The following SUMF2 variants were observed in gnomAD, a reference collection of about 807,000 sequenced individuals.
SUMF2 encodes inactive C-alpha-formylglycine-generating enzyme 2.
SUMF2 carries 45 observed loss-of-function variants against 44.8 expected under a neutral mutation model. The observed-to-expected ratio is 1.00, with a 90% CI of 0.79 to 1.29. SUMF2 has a LOEUF of 1.29. Ranked by LOEUF, SUMF2 falls within the 50% of genes most tolerant of loss-of-function variation. The probability of loss-of-function intolerance (pLI) is 0.00; values close to 1 mark genes in which losing one functional copy is unlikely to be tolerated. For missense variants in SUMF2, 418 were observed against 389.9 expected, an observed-to-expected ratio of 1.07 and a Z score of -0.61; for synonymous variants, 148 against 150.4, an observed-to-expected ratio of 0.98 and a Z score of 0.12.
In SUMF2 at chr7:56,076,883, G is replaced by A; in HGVS notation, c.585G>A (p.Leu195=). The change falls in exon 6 of 9, where the codon CTG becomes CTA. Residue 195 remains leucine, a synonymous_variant. Transcript: ENST00000434526. ...GGTTCCAGCCAAACCGCACCAACCT[G>A]TGGCAGGTAAGACCTACGTTCCTCC... ...GNWFQPNRTN[L]WQGKFPKGDK... 6.2e-7 allele frequency: 1 copy of A among 1,606,102 alleles called. No individual in the cohort carries two copies. The highest frequency in any genetic ancestry group is 8.5e-7 in the Non-Finnish European group (1 of 1,176,230).
chr7:56,076,661 A>G (rs750682484), intron 5 of SUMF2, 173 bp from the exon 6 acceptor site: 5 of 567,432 alleles, frequency 8.8e-6, no homozygotes, highest in African/African-American at 1.9e-5. Flanking sequence ...AGGGCCCTCT[A>G]ATGCAGTTCA....
chr7:56,074,169 C>T lies in SUMF2; in HGVS notation c.340-5C>T, dbSNP rs540560603. The T allele has an allele frequency of 5.6e-6, 9 of 1,613,866 alleles. No individual in the cohort carries two copies. The Admixed American group carries it at 1.0e-4, about 18-fold the overall frequency. ...TCTTGCAGTCGGTCTCCTTCTTTTT[C>T]GCAGTCTGTACTCTGGTGGCTTCCA... On this transcript the variant is annotated splice_polypyrimidine_tract_variant and splice_region_variant and intron_variant, in intron 3 of 8. Transcript: ENST00000434526.
At chr7:56,085,628 C>T (rs138361383), downstream of SUMF2, among the ~76,000 whole-genome samples, 11 of 152,220 alleles carry the variant, frequency 7.2e-5, no homozygotes, top group African/African-American at 1.9e-4. Flanking sequence ...TTTCCAATCC[C>T]GCCTCATTAC....
At chr7:56,074,904 C>T (rs1291900152) in intron 5 of SUMF2, 168 bp downstream of exon 5, 2 of 780,680 alleles carry the variant, frequency 2.6e-6, no homozygotes, top group Non-Finnish European at 4.0e-6. Flanking sequence ...AAAAGACTAG[C>T]CTGGGCAATA....
chr7:56,068,787 C>T lies in SUMF2; in HGVS notation c.224+149C>T, dbSNP rs1461572641. 13 of 859,578 alleles carry T rather than the reference C, an allele frequency of 1.5e-5. No individual in the cohort carries two copies. The South Asian group carries it at 1.6e-4, about 11-fold the overall frequency. 53.2% of individuals were successfully genotyped at this position (859,578 alleles called of 1,614,324 possible). ...GGCGCAATCTCGCTCACTGCAACCTCCACCTCCCGGGTTCAAGCAATTCTC... is the reference window on the plus strand; with the variant it reads ...GGCGCAATCTCGCTCACTGCAACCTTCACCTCCCGGGTTCAAGCAATTCTC... On this transcript the variant is annotated intron_variant, in intron 2 of 8. Transcript: ENST00000434526.
intron 3 of SUMF2, 75 bp from the exon 4 acceptor site, chr7:56,074,099 C>T (rs749261372): frequency 1.8e-5 from 24 of 1,342,092 alleles, no homozygotes; most frequent in South Asian, 1.3e-4. Context: ...CTCTGTTCTG[C>T]GTCCTGTGGC....
chr7:56,069,461 A>G (rs1795021387), intron 2 of SUMF2, among the ~76,000 whole-genome samples: 3 of 151,980 alleles, frequency 2.0e-5, no homozygotes, highest in Non-Finnish European at 4.4e-5. Context: ...AAATAAGTAA[A>G]TAAGTATATA....
chr7:56,072,957 G>C, intron 2 of SUMF2, 40 bp from the exon 3 acceptor site: 1 of 1,525,312 alleles, frequency 6.6e-7, no homozygotes, highest in Non-Finnish European at 9.1e-7. Context: ...GGTGGGCACA[G>C]AACCTCACCA....
downstream of SUMF2, chr7:56,081,921 TC>T (rs760588653): frequency 6.2e-7 from 1 of 1,613,508 alleles, no homozygotes; most frequent in African/African-American, 1.3e-5. The surrounding 1 kb of genome is among the most constrained non-coding windows in gnomAD (Gnocchi z 4.6). Flanking sequence ...CGAGTAATCA[TC>T]CCACTCGGGC....
At chr7:56,081,234 C>A, downstream of SUMF2, 1 of 1,613,596 alleles carries the variant, frequency 6.2e-7, no homozygotes, top group South Asian at 1.1e-5. This position sits in a 1 kb window ranked among gnomAD's most constrained non-coding sequence, Gnocchi z 4.6. Flanking sequence ...TCTCCCGGGT[C>A]ACAGGCTTCA....
Position 56,073,147 on chromosome 7 carries a change from A to C in SUMF2, c.339+36A>C, listed in dbSNP as rs1210636229. On this transcript the variant is annotated intron_variant, in intron 3 of 8. Transcript: ENST00000434526. ...CTGGTCTTGCAGCTGAGGGGATAGG[A>C]GTGGGACCTGGACAGGGAATCCTGT... The C allele has an allele frequency of 4.6e-6, 7 of 1,531,968 alleles. No individual in the cohort carries two copies. The African/African-American group carries it at 9.6e-5, about 21-fold the overall frequency. The allele number at this position is 1,531,968 out of a possible 1,614,324, so 94.9% of individuals were successfully genotyped here.
downstream of SUMF2, chr7:56,081,483 T>C: frequency 8.1e-7 from 1 of 1,227,452 alleles, no homozygotes; most frequent in Non-Finnish European, 1.1e-6. The surrounding 1 kb of genome is among the most constrained non-coding windows in gnomAD (Gnocchi z 4.6). Context: ...GGCTGACACC[T>C]GCCGTCTTTG....
At chr7:56,081,106 A>G, downstream of SUMF2, 1 of 1,613,406 alleles carries the variant, frequency 6.2e-7, no homozygotes, top group Non-Finnish European at 8.5e-7. This position sits in a 1 kb window ranked among gnomAD's most constrained non-coding sequence, Gnocchi z 4.6. Flanking sequence ...TGTGTTCTCG[A>G]AAAGGGCTGC....
chr7:56,071,039 A>G (rs977641677), intron 2 of SUMF2, among the ~76,000 whole-genome samples: 5 of 152,202 alleles, frequency 3.3e-5, no homozygotes, highest in Non-Finnish European at 7.3e-5. Flanking sequence ...ACTATTCTGT[A>G]TCTTGATTAT....
rs1236119827 is a variant in SUMF2 at position 56,079,512 on chromosome 7, C to T, written c.822-16C>T. 1.1e-5 allele frequency: 18 copies of T among 1,607,588 alleles called. No homozygotes were observed. In the Admixed American group the frequency reaches 2.8e-4, roughly 25 times the overall value. On this transcript the variant is annotated splice_polypyrimidine_tract_variant and intron_variant, in intron 8 of 8. Transcript: ENST00000434526. The stretch of plus-strand genomic sequence containing the variant: ...CTCAGGACGTGTCTGTCCTCTCTCC[C>T]CTTCTCTGCTGGCAGGATGGGCAAC...
At chr7:56,064,447 G>C in intron 1 of SUMF2, 69 bp downstream of exon 1, 1 of 1,543,226 alleles carries the variant, frequency 6.5e-7, no homozygotes, top group Non-Finnish European at 8.7e-7. Context: ...TGACGGGAGA[G>C]AGCCTTAGGC....
At chr7:56,074,014 CAAAAAAAAAAAAAAAAA>C (rs56927689) in intron 3 of SUMF2, 143 bp from the exon 4 acceptor site, 5 of 320,896 alleles carry the variant, frequency 1.6e-5, no homozygotes, top group African/African-American at 5.4e-5. Context: ...GATCTTGTCT[CAAAAAAAAAAAAAAAAA>C]AAAAAAAAAA....
Position 56,079,552 on chromosome 7 carries a change from C to G in SUMF2, c.846C>G (p.Ala282=). 6.2e-7 allele frequency: 1 copy of G among 1,613,854 alleles called. No individual in the cohort carries two copies. The highest frequency in any genetic ancestry group is 8.5e-7 in the Non-Finnish European group (1 of 1,179,776). ...TTRMGNTPDS[A]SDNLGFRCAA... ...GGATGGGCAACACTCCAGATTCAGC[C>G]TCAGACAACCTCGGTTTCCGCTGTG... Residue 282 remains alanine, a synonymous_variant, in exon 9 of 9, where the codon GCC becomes GCG. Transcript: ENST00000434526.
At chr7:56,081,046 C>A, downstream of SUMF2, 1 of 1,611,670 alleles carries the variant, frequency 6.2e-7, no homozygotes, top group Admixed American at 1.7e-5. The surrounding 1 kb of genome is among the most constrained non-coding windows in gnomAD (Gnocchi z 4.6). Flanking sequence ...CCCTGACTGG[C>A]CAGCCCCTCA....
Sources: allele counts gnomAD v4.1 joint callset (sites outside exome capture counted in the v4.1 genomes callset), GRCh38; gene constraint gnomAD v4.1.1; non-coding constraint Gnocchi (gnomAD v3.1); transcripts MANE v1.5; gene names NCBI Gene and HGNC (gene_info 2026-07-23, HGNC 2026-07-21).